Variants in EFCAB6 observed in about 807,000 individuals in gnomAD.
EFCAB6 encodes the protein EF-hand calcium-binding domain-containing protein 6.
In EFCAB6, 156 loss-of-function variants were observed where a neutral mutation model predicts 169.8. The ratio of observed to expected loss-of-function variants is 0.92; its 90% CI spans 0.81 to 1.05. The LOEUF is 1.05. Ranked by LOEUF, EFCAB6 falls within the 50% of genes least tolerant of loss-of-function variation. The probability of loss-of-function intolerance (pLI) is 0.00; values close to 1 mark genes in which losing one functional copy is unlikely to be tolerated. For missense variants in EFCAB6, 1,800 were observed against 1,829.1 expected, an observed-to-expected ratio of 0.98 and a Z score of 0.29; for synonymous variants, 698 against 676.4, an observed-to-expected ratio of 1.03 and a Z score of -0.50.
chr22:43,530,647 G>C, intron 31 of EFCAB6, 168 bp downstream of exon 31: 1 of 985,464 alleles, frequency 1.0e-6, no homozygotes, highest in Non-Finnish European at 1.2e-6. Flanking sequence ...GGTGAGGCGA[G>C]TGGACCCAGG....
chr22:43,568,096 C>G (rs1260431400), intron 26 of EFCAB6, among the ~76,000 whole-genome samples: 2 of 152,176 alleles, frequency 1.3e-5, no homozygotes, highest in African/African-American at 2.4e-5. Flanking sequence ...TTTTGAGACG[C>G]CCACCCAGTT....
At chr22:43,596,978 G>A (rs554955029) in intron 23 of EFCAB6, among the ~76,000 whole-genome samples, 1 of 152,046 alleles carries the variant, frequency 6.6e-6, no homozygotes, top group Non-Finnish European at 1.5e-5. Context: ...TTTGTCAAAG[G>A]CACTGAGAAC....
At chr22:43,756,067 T>C (rs1428951633) in intron 5 of EFCAB6, among the ~76,000 whole-genome samples, 1 of 152,196 alleles carries the variant, frequency 6.6e-6, no homozygotes, top group Non-Finnish European at 1.5e-5. Context: ...CCTAAGGTAA[T>C]GTGCAAATTA....
rs527454705 is a variant in EFCAB6 at position 43,719,207 on chromosome 22, C to T, written c.758-2235G>A. ...ACTCGGTACGGTGTATTCAGTGACG[C>T]CTCTCTCACCACAATTATACCAGCT... On this transcript the variant is annotated intron_variant, in intron 8 of 31. Transcript: ENST00000262726. 2.6e-5 allele frequency among the ~76,000 whole-genome samples: 4 copies of T among 152,284 alleles called. No homozygotes were observed. The East Asian group carries it at 7.7e-4, about 29-fold the overall frequency.
chr22:43,759,265 C>T (rs1363477282), intron 5 of EFCAB6: 1 of 152,224 alleles, frequency 6.6e-6, no homozygotes, highest in Non-Finnish European at 1.5e-5. Flanking sequence ...TCTTGCAATA[C>T]ACAGTACTGG....
chr22:43,682,559 C>G (rs758286643), intron 12 of EFCAB6, among the ~76,000 whole-genome samples: 6 of 152,144 alleles, frequency 3.9e-5, no homozygotes, highest in Non-Finnish European at 7.4e-5. Context: ...CGCGGCTCAG[C>G]CAGCAGGGTC....
chr22:43,655,415 G>A (rs933784590), intron 17 of EFCAB6, among the ~76,000 whole-genome samples: 1 of 150,756 alleles, frequency 6.6e-6, no homozygotes, highest in Admixed American at 6.6e-5. Flanking sequence ...CAGGCTGCGT[G>A]TCACAGTCTC....
chr22:43,668,081 A>G (rs1407592124), intron 16 of EFCAB6, among the ~76,000 whole-genome samples: 2 of 152,194 alleles, frequency 1.3e-5, no homozygotes, highest in Non-Finnish European at 2.9e-5. Flanking sequence ...GGAATATTTA[A>G]CCCGTCTCTT....
chr22:43,672,920 G>A (rs1294087633), intron 13 of EFCAB6, among the ~76,000 whole-genome samples: 1 of 151,988 alleles, frequency 6.6e-6, no homozygotes, highest in South Asian at 2.1e-4. Context: ...TTAAGGAAAA[G>A]TACAATAAAC....
intron 27 of EFCAB6, among the ~76,000 whole-genome samples, chr22:43,543,007 C>T (rs1267062156): frequency 2.0e-5 from 3 of 152,180 alleles, no homozygotes; most frequent in Non-Finnish European, 4.4e-5. Context: ...GGTTCCCACT[C>T]TGCTTACGAT....
intron 11 of EFCAB6, among the ~76,000 whole-genome samples, chr22:43,686,416 G>A (rs1390182587): frequency 6.6e-6 from 1 of 152,100 alleles, no homozygotes; most frequent in Non-Finnish European, 1.5e-5. Flanking sequence ...CACCCTCAGT[G>A]TGACAACCAA....
At chr22:43,554,809 G>C in intron 27 of EFCAB6, 60 bp downstream of exon 27, 1 of 1,447,552 alleles carries the variant, frequency 6.9e-7, no homozygotes. Flanking sequence ...ATTCTGGCCA[G>C]GGACCAGGCT....
At chr22:43,656,056 TA>T (rs2056723059) in intron 17 of EFCAB6, among the ~76,000 whole-genome samples, 1 of 152,180 alleles carries the variant, frequency 6.6e-6, no homozygotes. Flanking sequence ...TGGAAGACCT[TA>T]ACACACTTCA....
intron 26 of EFCAB6, among the ~76,000 whole-genome samples, chr22:43,569,058 CTTCCG>C (rs1443054719): frequency 6.6e-6 from 1 of 152,214 alleles, no homozygotes; most frequent in Non-Finnish European, 1.5e-5. Context: ...CCCTGTGCTA[CTTCCG>C]GCAGAGCTTG....
intron 26 of EFCAB6, among the ~76,000 whole-genome samples, chr22:43,563,996 C>T (rs1468751744): frequency 6.6e-6 from 1 of 152,214 alleles, no homozygotes; most frequent in Non-Finnish European, 1.5e-5. Flanking sequence ...CCAATGCCAC[C>T]ATCCTCTAGC....
At chr22:43,632,883 C>A (rs1392847392) in intron 18 of EFCAB6, among the ~76,000 whole-genome samples, 4 of 152,150 alleles carry the variant, frequency 2.6e-5, no homozygotes, top group African/African-American at 4.8e-5. Context: ...AGAATTCCTG[C>A]CTCTTTTTTG....
intron 6 of EFCAB6, among the ~76,000 whole-genome samples, chr22:43,745,980 C>G (rs2060546829): frequency 6.6e-6 from 1 of 152,198 alleles, no homozygotes; most frequent in Admixed American, 6.5e-5. Flanking sequence ...TATATCGATT[C>G]CATCTGTTTA....
At chr22:43,702,556 T>C (rs548699421) in intron 10 of EFCAB6, among the ~76,000 whole-genome samples, 1 of 152,346 alleles carries the variant, frequency 6.6e-6, no homozygotes, top group African/African-American at 2.4e-5. Context: ...AAAAGAGAGC[T>C]GGAGGTGGAC....
intron 8 of EFCAB6, among the ~76,000 whole-genome samples, chr22:43,729,796 A>G (rs567029221): frequency 1.3e-5 from 2 of 152,320 alleles, no homozygotes; most frequent in East Asian, 1.9e-4. Flanking sequence ...TAAATTAGAA[A>G]CAGCAAAGAA....
Sources: allele counts gnomAD v4.1 joint callset (sites outside exome capture counted in the v4.1 genomes callset), GRCh38; gene constraint gnomAD v4.1.1; transcripts MANE v1.5; gene names NCBI Gene and HGNC (gene_info 2026-07-23, HGNC 2026-07-21).